The following POT1 variants were observed in gnomAD, a reference collection of about 807,000 sequenced individuals.
The protein encoded by POT1 is protection of telomeres 1, also known as protection of telomeres protein 1.
A neutral mutation model predicts 78.5 loss-of-function variants in POT1; 47 were observed. The observed-to-expected ratio is 0.60, with a 90% CI of 0.47 to 0.76. The LOEUF (loss-of-function observed/expected upper bound fraction) is 0.76. POT1 is among the 30% of genes least tolerant of loss of function. The pLI, the probability that POT1 is intolerant of heterozygous loss-of-function variation, is 0.00. For missense variants in POT1, 646 were observed against 749.9 expected (o/e 0.86, Z 1.62); for synonymous variants, 259 against 260.7 (o/e 0.99, Z 0.06).
At chr7:124,890,962 T>C (rs1796356562) in intron 6 of POT1, among the ~76,000 whole-genome samples, 2 of 151,870 alleles carry the variant, frequency 1.3e-5, no homozygotes. Context: ...CATGTGCACT[T>C]AAGAAAAATG....
intron 6 of POT1, among the ~76,000 whole-genome samples, chr7:124,886,491 G>C (rs540996254): frequency 1.3e-5 from 2 of 152,172 alleles, no homozygotes; most frequent in South Asian, 4.1e-4. Context: ...GAAGTTACTA[G>C]AGAGAGTTTT....
intron 8 of POT1, among the ~76,000 whole-genome samples, chr7:124,860,700 T>C (rs1795570317): frequency 6.6e-6 from 1 of 152,126 alleles, no homozygotes; most frequent in South Asian, 2.1e-4. Context: ...AGTGGTTTGC[T>C]GTACCCATCA....
In POT1 at chr7:124,825,309, G is replaced by C; in HGVS notation, c.1735C>G (p.Leu579Val). 6.2e-7 allele frequency: 1 copy of C among 1,610,396 alleles called. No individual in the cohort carries two copies. Among genetic ancestry groups the C allele is most frequent in the Non-Finnish European group, 8.5e-7 (1 of 1,178,298 alleles). ...ATGATCATATCCACACTTTTCTGAA[G>C]GTCATCATCCATCAGAACTTCTGAT... ...PASEVLMDDDLQKSVDMIMDM... is the reference protein window; with the variant it reads ...PASEVLMDDDVQKSVDMIMDM... Residue 579 changes from leucine (L) to valine (V), a missense_variant, in exon 18 of 19, where the codon CTT becomes GTT. Transcript: ENST00000357628.
At chr7:124,880,730 C>T (rs1796097788) in intron 6 of POT1, among the ~76,000 whole-genome samples, 1 of 151,916 alleles carries the variant, frequency 6.6e-6, no homozygotes, top group Non-Finnish European at 1.5e-5. Context: ...TTTACAAGGC[C>T]ACCTCTTGCT....
chr7:124,850,584 T>A (rs1323192552), intron 11 of POT1, among the ~76,000 whole-genome samples: 1 of 151,930 alleles, frequency 6.6e-6, no homozygotes, highest in Non-Finnish European at 1.5e-5. Context: ...ATAAAAAAAT[T>A]AGCCGGGTGT....
intron 6 of POT1, among the ~76,000 whole-genome samples, chr7:124,885,883 C>T (rs1796233217): frequency 6.6e-6 from 1 of 152,064 alleles, no homozygotes. Context: ...TCTCAGTTTT[C>T]ATCATTAATC....
chr7:124,855,916 T>G (rs991026428), intron 9 of POT1, among the ~76,000 whole-genome samples: 1 of 152,100 alleles, frequency 6.6e-6, no homozygotes, highest in African/African-American at 2.4e-5. Flanking sequence ...AGTAGGGATT[T>G]AGAAAGTAAA....
intron 15 of POT1, 72 bp from the exon 16 acceptor site, chr7:124,829,414 C>A (rs1389930410): frequency 5.6e-6 from 5 of 893,198 alleles, no homozygotes; most frequent in Non-Finnish European, 7.0e-6. Flanking sequence ...CTTTTTACTG[C>A]TCAAACATGT....
intron 8 of POT1, among the ~76,000 whole-genome samples, chr7:124,862,282 A>C (rs1795616593): frequency 6.6e-6 from 1 of 152,198 alleles, no homozygotes; most frequent in South Asian, 2.1e-4. Flanking sequence ...TTCTAAAAAC[A>C]CAGTCAAAAG....
intron 6 of POT1, among the ~76,000 whole-genome samples, chr7:124,889,260 C>T (rs757565924): frequency 5.5e-4 from 84 of 152,112 alleles, no homozygotes; most frequent in Admixed American, 1.2e-3. Flanking sequence ...TTCCCTTAAG[C>T]CAAAGCCTAA....
Position 124,853,019 on chromosome 7 carries a change from T to C in POT1, c.822A>G (p.Gly274=), listed in dbSNP as rs1584765621. The change falls in exon 10 of 19, where the codon GGA becomes GGG. Residue 274 remains glycine, a synonymous_variant. Transcript: ENST00000357628. ...AGTTACTTTCTGGCAAGACCCTGAT[T>C]CCCCGACCGTAACTGGTACCTCCAT... ...HLHGGTSYGR[G]IRVLPESNSD... is the part of the protein sequence containing the mutation. The C allele has an allele frequency of 6.2e-7, 1 of 1,613,558 alleles. No homozygotes were observed.
chr7:124,847,756 A>G (rs1281856326), intron 11 of POT1, among the ~76,000 whole-genome samples: 1 of 152,220 alleles, frequency 6.6e-6, no homozygotes, highest in Non-Finnish European at 1.5e-5. Context: ...CCACATTTAC[A>G]TTGTATTTTG....
chr7:124,908,496 A>C (rs1260118674), intron 3 of POT1, among the ~76,000 whole-genome samples: 1 of 151,952 alleles, frequency 6.6e-6, no homozygotes, highest in African/African-American at 2.4e-5. Flanking sequence ...AATTCATTAA[A>C]TATTCCAAGA....
At chr7:124,927,564 T>C (rs1797305616) in intron 2 of POT1, among the ~76,000 whole-genome samples, 1 of 152,168 alleles carries the variant, frequency 6.6e-6, no homozygotes, top group Non-Finnish European at 1.5e-5. Flanking sequence ...CCTGAGTTTC[T>C]TCCTCCTTCT....
At chr7:124,850,342 A>T (rs1795272761) in intron 11 of POT1, among the ~76,000 whole-genome samples, 1 of 152,264 alleles carries the variant, frequency 6.6e-6, no homozygotes, top group Non-Finnish European at 1.5e-5. Flanking sequence ...GTAACTATGG[A>T]CAAATTATAT....
intron 9 of POT1, among the ~76,000 whole-genome samples, chr7:124,854,897 C>T (rs1042784545): frequency 1.3e-4 from 19 of 151,550 alleles, no homozygotes; most frequent in African/African-American, 4.6e-4. Flanking sequence ...TAGTATAGCA[C>T]ATGTATGTAT....
intron 17 of POT1, among the ~76,000 whole-genome samples, chr7:124,826,418 G>C (rs1794631005): frequency 6.6e-6 from 1 of 152,142 alleles, no homozygotes; most frequent in Admixed American, 6.5e-5. Context: ...TAGGAGTCTT[G>C]TGAATTATCA....
intron 3 of POT1, among the ~76,000 whole-genome samples, chr7:124,908,044 C>T (rs1287006937): frequency 6.6e-6 from 1 of 151,924 alleles, no homozygotes; most frequent in African/African-American, 2.4e-5. Context: ...CAGAAATTCT[C>T]AAGTCATTAC....
At chr7:124,845,849 CAATT>C (rs1416415450) in intron 12 of POT1, among the ~76,000 whole-genome samples, 1 of 151,942 alleles carries the variant, frequency 6.6e-6, no homozygotes, top group African/African-American at 2.4e-5. Flanking sequence ...CTGCTTTACT[CAATT>C]AGTATTATTT....
Sources: gnomAD v4.1 joint callset for allele counts (sites outside exome capture counted in the v4.1 genomes callset) on GRCh38, gnomAD v4.1.1 for gene constraint, MANE v1.5 for transcripts, NCBI Gene and HGNC (gene_info 2026-07-23, HGNC 2026-07-21) for gene names.